Variants in AGO4 observed in about 807,000 individuals in gnomAD.
AGO4 encodes protein argonaute-4.
Under a neutral mutation model 104.7 loss-of-function variants are expected in AGO4, and 33 were observed. The ratio of observed to expected loss-of-function variants is 0.32; its 90% CI spans 0.24 to 0.42. The LOEUF (loss-of-function observed/expected upper bound fraction) is 0.42. Among genes scored for constraint, AGO4 ranks in the 10% least tolerant of loss-of-function variants. The pLI is 1.00. For synonymous variants in AGO4, 331 were observed against 364.7 expected, an observed-to-expected ratio of 0.91 and a Z score of 1.05; for missense variants, 711 against 1,083.4, an observed-to-expected ratio of 0.66 and a Z score of 4.83.
At chr1:35,844,837 CCTTAT>C (rs1483349248) in intron 15 of AGO4, among the ~76,000 whole-genome samples, 3 of 152,216 alleles carry the variant, frequency 2.0e-5, no homozygotes, top group Admixed American at 6.5e-5. Context: ...CTCACTGCTA[CCTTAT>C]CTTTTCTTCC....
At chr1:35,814,636 A>G (rs571041098) in intron 1 of AGO4, among the ~76,000 whole-genome samples, 1 of 152,278 alleles carries the variant, frequency 6.6e-6, no homozygotes, top group South Asian at 2.1e-4. Context: ...GGGTTCCCCT[A>G]TAGAGAGAGT....
chr1:35,845,233 A>G, intron 15 of AGO4, among the ~76,000 whole-genome samples: 1 of 94,896 alleles, frequency 1.1e-5, no homozygotes, highest in Non-Finnish European at 2.1e-5. Context: ...TTCTGTAATC[A>G]GGCTTTTTTT....
intron 1 of AGO4, among the ~76,000 whole-genome samples, chr1:35,815,256 A>G (rs1192792793): frequency 2.6e-5 from 4 of 152,156 alleles, no homozygotes; most frequent in African/African-American, 9.7e-5. Context: ...CAGTAACAGA[A>G]CCTGTTGTAA....
intron 3 of AGO4, among the ~76,000 whole-genome samples, chr1:35,824,196 A>C (rs1321239792): frequency 1.3e-5 from 2 of 152,164 alleles, no homozygotes; most frequent in Non-Finnish European, 2.9e-5. Context: ...AAATTTATCC[A>C]GACAATCTAG....
In AGO4 at chr1:35,831,516, C is replaced by T. The variant is rs1283142991; in HGVS notation, c.938C>T (p.Pro313Leu). The T allele has an allele frequency of 6.2e-6, 10 of 1,614,082 alleles. No homozygotes were observed. The highest frequency in any genetic ancestry group is 7.6e-6 in the Non-Finnish European group (9 of 1,180,016). The change falls in exon 8 of 18, where the codon CCC (proline) becomes CTC (leucine). Residue 313 changes from proline (P) to leucine (L), a missense_variant. This residue lies in a region of AGO4 where 308 missense variants were observed against 397.8 expected (regional missense o/e 0.77). Transcript: ENST00000373210. ...KQKYSLQLKY[P>L]HLPCLQVGQE... Reference sequence around the variant, plus strand: ...AAGTATAGTCTGCAACTGAAATACCCCCATCTTCCCTGTCTCCAAGTGGGA... The same window carrying T: ...AAGTATAGTCTGCAACTGAAATACCTCCATCTTCCCTGTCTCCAAGTGGGA...
chr1:35,809,702 A>G (rs1005639918), intron 1 of AGO4, among the ~76,000 whole-genome samples: 9 of 152,230 alleles, frequency 5.9e-5, no homozygotes, highest in African/African-American at 1.7e-4. Flanking sequence ...AACAGATTCA[A>G]TCTAGTAATG....
At position 35,855,750 on chromosome 1, in the gene AGO4, T is replaced by C. The variant is rs1644804219; in HGVS notation, c.*2145T>C. On this transcript the variant is annotated 3_prime_UTR_variant, in exon 18 of 18. Coordinates refer to ENST00000373210, the MANE Select transcript of AGO4 (RefSeq NM_017629.4). ...GCTTGGCTGCTGCTTTTATTCACAC[T>C]TGTTCAGGGAGAGCACAGAGAATAC... 1 of 151,666 alleles carries C rather than the reference T, an allele frequency of 6.6e-6. No homozygotes were observed. The highest frequency in any genetic ancestry group is 1.5e-5 in the Non-Finnish European group (1 of 67,968). The allele number at this position is 151,666 out of a possible 1,614,324, so 9.4% of individuals were successfully genotyped here.
At chr1:35,838,867 T>C (rs181978475) in intron 13 of AGO4, among the ~76,000 whole-genome samples, 5 of 152,366 alleles carry the variant, frequency 3.3e-5, no homozygotes, top group East Asian at 1.9e-4. Context: ...GTCATTGCCA[T>C]ACTTGAAGAT....
At chr1:35,817,906 A>G (rs1643762403) in intron 2 of AGO4, among the ~76,000 whole-genome samples, 1 of 152,204 alleles carries the variant, frequency 6.6e-6, no homozygotes. Flanking sequence ...TCCAACGAAT[A>G]TTTTATTGAA....
At position 35,835,894 on chromosome 1, in the gene AGO4, A is replaced by G; in HGVS notation, c.1625A>G (p.Lys542Arg). Reference protein sequence around the residue: ...LGMATQCVQVKNVVKTSPQTL... With the variant: ...LGMATQCVQVRNVVKTSPQTL... ...ATGGCCACACAGTGTGTCCAGGTAA[A>G]AAATGTAGTGAAGACCTCACCTCAA... The change falls in exon 13 of 18, where the codon AAA becomes AGA. Residue 542 changes from lysine to arginine, a missense_variant. Lys to Arg is a conservative substitution (Grantham distance 26, BLOSUM62 2). Around this residue, in one of 3 missense-constraint regions of AGO4, gnomAD observed 401 missense variants for 665.5 expected, o/e 0.60. Transcript: ENST00000373210. 1 of 1,614,078 alleles carries G rather than the reference A, an allele frequency of 6.2e-7. No homozygotes were observed.
At chr1:35,818,658 AAAGGAAG>A (rs1188785901) in intron 2 of AGO4, among the ~76,000 whole-genome samples, 1 of 61,512 alleles carries the variant, frequency 1.6e-5, no homozygotes, top group Admixed American at 1.3e-4. Context: ...AGAAAGAAAG[AAAGGAAG>A]AAAGGAAGGA....
Position 35,834,078 on chromosome 1 carries a change from G to A in AGO4, c.1468G>A (p.Ala490Thr). 6.2e-7 allele frequency: 1 copy of A among 1,612,552 alleles called. No homozygotes were observed. Among genetic ancestry groups the A allele is most frequent in the Non-Finnish European group, 8.5e-7 (1 of 1,179,342 alleles). Reference protein sequence around the residue: ...QPCFCKYAQGADSVEPMFKHL... With the variant: ...QPCFCKYAQGTDSVEPMFKHL... ...ATGTTTCTGCAAGTATGCACAAGGT[G>A]CAGACAGTGTGGAGCCTATGTTTAA... Residue 490 changes from alanine (A) to threonine (T), a missense_variant, in exon 12 of 18, where the codon GCA becomes ACA. Ala to Thr is a moderately conservative substitution (Grantham distance 58). Coordinates refer to ENST00000373210, the MANE Select transcript of AGO4 (RefSeq NM_017629.4).
chr1:35,853,531 G>T lies in AGO4; in HGVS notation c.2512G>T (p.Gly838Cys). The T allele has an allele frequency of 6.2e-7, 1 of 1,613,780 alleles. No homozygotes were observed. Among genetic ancestry groups the T allele is most frequent in the Non-Finnish European group, 8.5e-7 (1 of 1,179,870 alleles). Residue 838 changes from glycine (G) to cysteine (C), a missense_variant, in exon 18 of 18, where the codon GGC becomes TGC. Around this residue, in one of 3 missense-constraint regions of AGO4, gnomAD observed 401 missense variants for 665.5 expected, o/e 0.60. Coordinates refer to ENST00000373210, the MANE Select transcript of AGO4 (RefSeq NM_017629.4). ...CAGTCATGTGTCAGGACAGAGCAAC[G>T]GCCGGGATCCTCAGGCCTTGGCTAA... The part of the protein sequence containing the change: ...EGSHVSGQSN[G>C]RDPQALAKAV...
Position 35,826,956 on chromosome 1 carries a change from C to T in AGO4, c.848+121C>T, listed in dbSNP as rs868694553. On this transcript the variant is annotated intron_variant, in intron 7 of 17. Coordinates refer to ENST00000373210, the MANE Select transcript of AGO4 (RefSeq NM_017629.4). ...GTGGCTCACACCTGTAATCCCAGCACTTTGAGAGGCCGAGGTAGGTGGATC... is the reference window on the plus strand; with the variant it reads ...GTGGCTCACACCTGTAATCCCAGCATTTTGAGAGGCCGAGGTAGGTGGATC... 58 of 974,544 alleles carry T rather than the reference C, an allele frequency of 6.0e-5. No homozygotes were observed. The Middle Eastern group carries it at 4.1e-3, about 69-fold the overall frequency. The allele number at this position is 974,544 out of a possible 1,614,324, so 60.4% of individuals were successfully genotyped here.
At chr1:35,834,270 C>T (rs567768029) in intron 12 of AGO4, 96 bp downstream of exon 12, 3 of 1,107,910 alleles carry the variant, frequency 2.7e-6, no homozygotes, top group Admixed American at 6.2e-5. Flanking sequence ...AAACCTCAAA[C>T]TCTCAGTGGT....
intron 2 of AGO4, among the ~76,000 whole-genome samples, chr1:35,820,049 C>A (rs1169530709): frequency 6.6e-6 from 1 of 152,080 alleles, no homozygotes; most frequent in East Asian, 1.9e-4. Context: ...GGAAGATTGG[C>A]ATGGAGAGAC....
intron 17 of AGO4, 81 bp downstream of exon 17, chr1:35,851,134 T>A: frequency 7.3e-7 from 1 of 1,369,584 alleles, no homozygotes; most frequent in Non-Finnish European, 1.0e-6. Flanking sequence ...AAAACTTTTT[T>A]AAGGATTTAA....
chr1:35,849,849 C>T (rs1358392366), intron 15 of AGO4, among the ~76,000 whole-genome samples: 1 of 151,614 alleles, frequency 6.6e-6, no homozygotes, highest in African/African-American at 2.4e-5. Context: ...ATGTTTTTTC[C>T]CTTTGTGAAC....
At chr1:35,836,074 T>C in intron 13 of AGO4, 81 bp downstream of exon 13, 1 of 1,421,936 alleles carries the variant, frequency 7.0e-7, no homozygotes, top group Non-Finnish European at 9.6e-7. Flanking sequence ...ATATTATATA[T>C]GCATCTAGAT....
Sources: allele counts gnomAD v4.1 joint callset (sites outside exome capture counted in the v4.1 genomes callset), GRCh38; gene constraint gnomAD v4.1.1; regional missense constraint gnomAD v4.1.1; transcripts MANE v1.5; gene names NCBI Gene and HGNC (gene_info 2026-07-23, HGNC 2026-07-21).